The following RSF1 variants were observed in gnomAD, a reference collection of about 807,000 sequenced individuals.
RSF1 encodes the protein remodeling and spacing factor 1.
In RSF1, 13 loss-of-function variants were observed where a neutral mutation model predicts 145.2. The ratio of observed to expected loss-of-function variants is 0.09; its 90% confidence interval spans 0.06 to 0.14. The LOEUF is 0.14. Ranked by LOEUF, RSF1 falls within the 10% of genes least tolerant of loss-of-function variation. The pLI is 1.00. For synonymous variants in RSF1, 577 were observed against 592.6 expected, an observed-to-expected ratio of 0.97 and a Z score of 0.38; for missense variants, 1,517 against 1,718.2, an observed-to-expected ratio of 0.88 and a Z score of 2.07.
At chr11:77,748,035 A>G (rs1243451808) in intron 2 of RSF1, among the ~76,000 whole-genome samples, 2 of 152,094 alleles carry the variant, frequency 1.3e-5, no homozygotes, top group Non-Finnish European at 2.9e-5. Context: ...AGTACAGGGA[A>G]TGGGGTAGAC....
At chr11:77,774,580 AT>A (rs1948321592) in intron 1 of RSF1, among the ~76,000 whole-genome samples, 1 of 107,924 alleles carries the variant, frequency 9.3e-6, no homozygotes, top group Non-Finnish European at 1.9e-5. Context: ...CAAAAAATAA[AT>A]AAATAAATAA....
At chr11:77,802,456 G>A (rs1948635361) in intron 1 of RSF1, among the ~76,000 whole-genome samples, 1 of 152,166 alleles carries the variant, frequency 6.6e-6, no homozygotes, top group Admixed American at 6.5e-5. Context: ...AAATTGCTTG[G>A]TGTGGAAAAA....
chr11:77,857,031 A>G, the RSF1 span, among the ~76,000 whole-genome samples: 1 of 152,246 alleles, frequency 6.6e-6, no homozygotes, highest in South Asian at 2.1e-4. Flanking sequence ...GATGTGTAGC[A>G]TCATTAATTC....
chr11:77,728,715 G>A (rs1961122011), intron 4 of RSF1, among the ~76,000 whole-genome samples: 1 of 152,084 alleles, frequency 6.6e-6, no homozygotes, highest in Admixed American at 6.6e-5. Flanking sequence ...AAAATGTTGA[G>A]AATAGACAAA....
At chr11:77,808,116 T>C (rs1035397245) in intron 1 of RSF1, among the ~76,000 whole-genome samples, 6 of 152,042 alleles carry the variant, frequency 3.9e-5, no homozygotes, top group African/African-American at 1.2e-4. Flanking sequence ...GGCGAATCAC[T>C]TGAGGTCAGG....
chr11:77,752,231 A>G (rs1415318084), intron 2 of RSF1, among the ~76,000 whole-genome samples: 2 of 152,230 alleles, frequency 1.3e-5, no homozygotes, highest in Non-Finnish European at 2.9e-5. Context: ...AAAGGTTGCA[A>G]GGTGGAATGC....
At chr11:77,850,736 CA>C in the RSF1 span, 2 of 151,614 alleles carry the variant, frequency 1.3e-5, no homozygotes, top group Non-Finnish European at 2.9e-5. Flanking sequence ...AACATTTTAC[CA>C]TGTTTGTTTC....
intron 1 of RSF1, among the ~76,000 whole-genome samples, chr11:77,811,899 C>T (rs2135988407): frequency 6.6e-6 from 1 of 152,262 alleles, no homozygotes; most frequent in South Asian, 2.1e-4. Context: ...ATAGGCTGAG[C>T]TTGGTGGCTC....
intron 1 of RSF1, among the ~76,000 whole-genome samples, chr11:77,789,903 C>T (rs537621081): frequency 1.2e-4 from 19 of 152,296 alleles, no homozygotes; most frequent in East Asian, 1.9e-4. Flanking sequence ...CCTGTCTACC[C>T]GCAGCTGCCA....
rs551272091 is a variant in RSF1, at chr11:77,679,698, G to A, written c.3066-1545C>T. On this transcript the variant is annotated intron_variant, in intron 11 of 15. Transcript: ENST00000308488. The stretch of plus-strand genomic sequence containing the variant: ...AAAAAAAAAAAAAAGAAAAGAAAAA[G>A]AGTCCCAATAATAGGGCTATATTAT... Among the ~76,000 whole-genome samples the A allele has an allele frequency of 2.2e-3, 333 of 150,346 alleles. 2 individuals carry two copies. The highest frequency in any genetic ancestry group is 7.9e-3 in the African/African-American group (324 of 41,064).
rs1959378040 is a variant in RSF1 at position 77,667,014 on chromosome 11, C to T, written c.4229G>A (p.Ser1410Asn). The change falls in exon 16 of 16, where the codon AGT becomes AAT. Residue 1410 changes from serine (S) to asparagine (N), a missense_variant. Physicochemically the swap from Ser to Asn is conservative, Grantham distance 46. This residue lies in a region of RSF1 where 240 missense variants were observed against 231.8 expected (regional missense o/e 1.04). Coordinates refer to ENST00000308488, the MANE Select transcript of RSF1 (RefSeq NM_016578.4). ...TGGTGCTCCTGCCTCCTGCCCACCACTTGTCCCATTGGAGGCTAGGCTTGC... is the reference window on the plus strand; with the variant it reads ...TGGTGCTCCTGCCTCCTGCCCACCATTTGTCCCATTGGAGGCTAGGCTTGC... ...ASASLASNGT[S>N]GGQEAGAPEE... 1.2e-6 allele frequency: 2 copies of T among 1,613,514 alleles called. No homozygotes were observed. The highest frequency in any genetic ancestry group is 1.1e-5 in the South Asian group (1 of 91,074).
At chr11:77,808,096 G>T (rs1948695099) in intron 1 of RSF1, among the ~76,000 whole-genome samples, 1 of 152,240 alleles carries the variant, frequency 6.6e-6, no homozygotes, top group Non-Finnish European at 1.5e-5. Flanking sequence ...CACTTTGGGA[G>T]GCCAAGGCAG....
chr11:77,825,126 G>A (rs201320749), upstream of RSF1, among the ~76,000 whole-genome samples: 6 of 151,768 alleles, frequency 4.0e-5, no homozygotes, highest in African/African-American at 1.2e-4. Flanking sequence ...GGCTACAGGC[G>A]TCTGCCACCA....
In RSF1 at chr11:77,820,643, G is replaced by A; in HGVS notation, c.72C>T (p.Ala24=). 1 of 1,562,998 alleles carries A rather than the reference G, an allele frequency of 6.4e-7. No individual in the cohort carries two copies. Among genetic ancestry groups the A allele is most frequent in the Admixed American group, 1.9e-5 (1 of 51,850 alleles). The change falls in exon 1 of 16, where the codon GCC becomes GCT. Residue 24 remains alanine (A), a synonymous_variant. Transcript: ENST00000308488. Reference sequence around the variant, plus strand: ...AGCGCTCCAAGAAGGAGCAGACTACGGCGAAGTTGGGGCACGAACCCGGGC... The same window carrying A: ...AGCGCTCCAAGAAGGAGCAGACTACAGCGAAGTTGGGGCACGAACCCGGGC... ...PGCPGSCPNF[A]VVCSFLERYG... is the part of the protein sequence containing the mutation.
the RSF1 span, among the ~76,000 whole-genome samples, chr11:77,847,675 T>A: frequency 2.0e-5 from 3 of 152,354 alleles, no homozygotes; most frequent in Admixed American, 2.0e-4. Flanking sequence ...TAGGTGGTGG[T>A]GTGGTTAATA....
intron 2 of RSF1, chr11:77,762,089 G>A (rs7938302): frequency 7.9e-6 from 1 of 125,888 alleles, no homozygotes; most frequent in Non-Finnish European, 1.6e-5. Flanking sequence ...GGCTGGTCTC[G>A]AACTCCTGAG....
the RSF1 span, among the ~76,000 whole-genome samples, chr11:77,857,790 A>T: frequency 4.0e-5 from 6 of 148,256 alleles, no homozygotes; most frequent in Admixed American, 4.1e-4. Context: ...TCCACCTCCC[A>T]GGTTCAAGTG....
At chr11:77,800,485 C>A (rs1486655640) in intron 1 of RSF1, among the ~76,000 whole-genome samples, 1 of 151,882 alleles carries the variant, frequency 6.6e-6, no homozygotes, top group Non-Finnish European at 1.5e-5. Flanking sequence ...AAACAAGAAC[C>A]TGTCTCAAAA....
At chr11:77,728,033 A>G (rs1049524896) in intron 4 of RSF1, among the ~76,000 whole-genome samples, 6 of 152,202 alleles carry the variant, frequency 3.9e-5, no homozygotes, top group African/African-American at 1.4e-4. Context: ...CACTATGTAC[A>G]GAATATTTTA....
Sources: allele counts gnomAD v4.1 joint callset (sites outside exome capture counted in the v4.1 genomes callset), GRCh38; gene constraint gnomAD v4.1.1; regional missense constraint gnomAD v4.1.1; transcripts MANE v1.5; gene names NCBI Gene and HGNC (gene_info 2026-07-23, HGNC 2026-07-21).